SDK1: variants seen among roughly 807,000 people sequenced by gnomAD.
SDK1 encodes the protein protein sidekick-1.
Under a neutral mutation model 245.5 loss-of-function variants are expected in SDK1, and 157 were observed. That is an observed-to-expected ratio of 0.64 (90% CI 0.56 to 0.73). SDK1 has a LOEUF of 0.73. SDK1 is among the 30% of genes least tolerant of loss of function. The pLI is 0.00. For missense variants in SDK1, 3,583 were observed against 3,002.3 expected, an observed-to-expected ratio of 1.19 and a Z score of -4.52; for synonymous variants, 1,647 against 1,278.5, an observed-to-expected ratio of 1.29 and a Z score of -6.15.
intron 40 of SDK1, among the ~76,000 whole-genome samples, chr7:4,227,606 G>T (rs1339135034): frequency 6.6e-6 from 1 of 152,218 alleles, no homozygotes; most frequent in East Asian, 1.9e-4. Flanking sequence ...GGTTGGTTGT[G>T]TGAGTGCGTG....
At chr7:3,314,926 T>C (rs1482433074) in intron 1 of SDK1, among the ~76,000 whole-genome samples, 2 of 152,084 alleles carry the variant, frequency 1.3e-5, no homozygotes, top group African/African-American at 2.4e-5. Context: ...AAACCTCATT[T>C]GGCCTGTGAA....
At chr7:3,559,246 A>G (rs143649575) in intron 1 of SDK1, among the ~76,000 whole-genome samples, 133 of 152,322 alleles carry the variant, frequency 8.7e-4, no homozygotes, top group African/African-American at 3.0e-3. Flanking sequence ...GTAATTTACT[A>G]TGATGAAGTC....
intron 1 of SDK1, among the ~76,000 whole-genome samples, chr7:3,342,719 A>G (rs888776372): frequency 7.2e-5 from 11 of 152,252 alleles, no homozygotes; most frequent in African/African-American, 2.7e-4. Context: ...CTTTTTCTCC[A>G]TGAAAGAGCA....
At chr7:3,894,698 C>CA (rs1781552755) in intron 5 of SDK1, among the ~76,000 whole-genome samples, 1 of 135,462 alleles carries the variant, frequency 7.4e-6, no homozygotes, top group East Asian at 2.1e-4. Context: ...ACTATTTTTT[C>CA]TTTTTTTTTT....
At chr7:4,099,502 T>C (rs1782396921) in intron 22 of SDK1, among the ~76,000 whole-genome samples, 1 of 107,702 alleles carries the variant, frequency 9.3e-6, no homozygotes, top group Admixed American at 1.3e-4. Flanking sequence ...CTGTTCCTGC[T>C]GTCAGATGCC....
intron 44 of SDK1, among the ~76,000 whole-genome samples, chr7:4,259,671 G>C (rs938968754): frequency 6.6e-6 from 1 of 152,172 alleles, no homozygotes; most frequent in African/African-American, 2.4e-5. Flanking sequence ...AGCTCACCTA[G>C]GGGTAAGCTG....
intron 1 of SDK1, among the ~76,000 whole-genome samples, chr7:3,405,252 G>GAGTA (rs1244540735): frequency 6.6e-6 from 1 of 152,074 alleles, no homozygotes; most frequent in Non-Finnish European, 1.5e-5. Context: ...GTGGCTGTAT[G>GAGTA]AGTACTCTGG....
At chr7:4,059,229 T>C (rs1779385252) in intron 19 of SDK1, among the ~76,000 whole-genome samples, 2 of 152,060 alleles carry the variant, frequency 1.3e-5, no homozygotes, top group African/African-American at 4.8e-5. Flanking sequence ...TAAAGACACA[T>C]GTAGACTGAA....
chr7:3,836,967 G>A (rs1583463273), intron 5 of SDK1, among the ~76,000 whole-genome samples: 1 of 152,110 alleles, frequency 6.6e-6, no homozygotes, highest in South Asian at 2.1e-4. Flanking sequence ...CTGGGCATTG[G>A]GGGTGCAGGA....
intron 2 of SDK1, among the ~76,000 whole-genome samples, chr7:3,628,028 A>G (rs1782173498): frequency 6.6e-6 from 1 of 152,142 alleles, no homozygotes; most frequent in Non-Finnish European, 1.5e-5. Flanking sequence ...GACCAAAGGT[A>G]CTACTTGCAG....
chr7:4,127,043 G>C (rs1784435433), intron 25 of SDK1, among the ~76,000 whole-genome samples: 1 of 152,124 alleles, frequency 6.6e-6, no homozygotes, highest in South Asian at 2.1e-4. Flanking sequence ...AGCTGTCAGT[G>C]AACAGGCATG....
At chr7:4,049,266 C>G in intron 17 of SDK1, 82 bp from the exon 18 acceptor site, 1 of 1,011,296 alleles carries the variant, frequency 9.9e-7, no homozygotes, top group South Asian at 1.4e-5. Flanking sequence ...ATGATGGCAG[C>G]TAAGGGTTTC....
chr7:3,675,493 C>T (rs530113643), intron 4 of SDK1, among the ~76,000 whole-genome samples: 12 of 152,162 alleles, frequency 7.9e-5, no homozygotes, highest in Non-Finnish European at 1.5e-5. Context: ...TGCTGGAGTA[C>T]TTAAAGTGGC....
At chr7:3,599,142 C>T (rs1016978303) in intron 1 of SDK1, among the ~76,000 whole-genome samples, 6 of 136,990 alleles carry the variant, frequency 4.4e-5, no homozygotes, top group African/African-American at 8.3e-5. Flanking sequence ...CTGGCGTTCT[C>T]GCTGTTTTTT....
intron 14 of SDK1, among the ~76,000 whole-genome samples, chr7:3,995,399 C>T (rs1451470928): frequency 6.6e-6 from 1 of 152,118 alleles, no homozygotes; most frequent in Non-Finnish European, 1.5e-5. Context: ...GCGCTGTCCC[C>T]ATCCCCTCCC....
At chr7:3,839,718 T>C (rs1026361037) in intron 5 of SDK1, among the ~76,000 whole-genome samples, 1 of 152,240 alleles carries the variant, frequency 6.6e-6, no homozygotes, top group African/African-American at 2.4e-5. Flanking sequence ...TAAATTTTAC[T>C]TTTCTTATTC....
At chr7:3,375,929 T>C (rs1461610379) in intron 1 of SDK1, among the ~76,000 whole-genome samples, 2 of 152,200 alleles carry the variant, frequency 1.3e-5, no homozygotes, top group African/African-American at 4.8e-5. Flanking sequence ...GTAATTCATA[T>C]ACAGCAATAA....
chr7:3,848,936 C>T (rs904365943), intron 5 of SDK1, among the ~76,000 whole-genome samples: 22 of 152,210 alleles, frequency 1.4e-4, no homozygotes, highest in African/African-American at 5.1e-4. Flanking sequence ...TCCCAAAGTG[C>T]CGGGATTACA....
chr7:3,535,750 T>A (rs1046255823), intron 1 of SDK1, among the ~76,000 whole-genome samples: 3 of 152,104 alleles, frequency 2.0e-5, no homozygotes, highest in Non-Finnish European at 4.4e-5. Flanking sequence ...AATACATAAA[T>A]ACATGTAGTT....
Sources: allele counts gnomAD v4.1 joint callset (sites outside exome capture counted in the v4.1 genomes callset), GRCh38; gene constraint gnomAD v4.1.1; transcripts MANE v1.5; gene names NCBI Gene and HGNC (gene_info 2026-07-23, HGNC 2026-07-21).